FRMPD3: variants seen among roughly 807,000 people sequenced by gnomAD.
The protein encoded by FRMPD3 is FERM and PDZ domain-containing protein 3.
A neutral mutation model predicts 97.9 loss-of-function variants in FRMPD3; 42 were observed. That is an observed-to-expected ratio of 0.43 (90% CI 0.34 to 0.55). The LOEUF is 0.55. Ranked by LOEUF, FRMPD3 falls within the 20% of genes least tolerant of loss-of-function variation. FRMPD3 has a pLI of 0.03. For synonymous variants in FRMPD3, 577 were observed against 581.1 expected, an observed-to-expected ratio of 0.99 and a Z score of 0.10; for missense variants, 1,303 against 1,457.7, an observed-to-expected ratio of 0.89 and a Z score of 1.73.
chrX:107,600,151 C>A (rs1310613043), intron 14 of FRMPD3, among the ~76,000 whole-genome samples, 152 bp from the exon 15 acceptor site: 1 of 111,448 alleles, frequency 9.0e-6, no homozygotes, highest in Non-Finnish European at 1.9e-5. Context: ...AAATACTATG[C>A]CATTTCGTAT....
At chrX:107,524,782 C>T (rs543404960) in intron 1 of FRMPD3, among the ~76,000 whole-genome samples, 15 of 110,638 alleles carry the variant, frequency 1.4e-4, no homozygotes, top group African/African-American at 4.9e-4. Flanking sequence ...CGCCTGAGGT[C>T]GGGAGTTCAA....
chrX:107,485,413 C>T (rs190844342), intron 1 of FRMPD3, among the ~76,000 whole-genome samples: 17 of 112,655 alleles, frequency 1.5e-4, no homozygotes, highest in East Asian at 2.8e-4. Flanking sequence ...GTCCCAGCTA[C>T]TGAGAAGGAT....
intron 13 of FRMPD3, among the ~76,000 whole-genome samples, chrX:107,584,011 C>T (rs757258088): frequency 1.1e-3 from 118 of 108,908 alleles, no homozygotes; most frequent in Admixed American, 2.3e-3. Flanking sequence ...CAACTACAGG[C>T]GCCTGCCACC....
intron 1 of FRMPD3, among the ~76,000 whole-genome samples, chrX:107,515,469 T>C (rs1049443543): frequency 1.8e-5 from 2 of 110,996 alleles, no homozygotes; most frequent in Non-Finnish European, 3.8e-5. Context: ...CAAGAGCAAC[T>C]CTGCAGAGTG....
At chrX:107,469,092 G>C (rs1167813495) in intron 1 of FRMPD3, among the ~76,000 whole-genome samples, 1 of 111,739 alleles carries the variant, frequency 8.9e-6, no homozygotes, top group Non-Finnish European at 1.9e-5. Context: ...GTGGATTATG[G>C]TAAGGGTCAT....
chrX:107,494,130 C>T (rs191401526), intron 1 of FRMPD3, among the ~76,000 whole-genome samples: 6 of 112,045 alleles, frequency 5.4e-5, no homozygotes, highest in Non-Finnish European at 9.4e-5. Flanking sequence ...GGAAGGTCTA[C>T]CAGTCCCAGA....
chrX:107,565,864 C>T (rs375976211), intron 12 of FRMPD3, among the ~76,000 whole-genome samples: 1 of 111,681 alleles, frequency 9.0e-6, no homozygotes, highest in Non-Finnish European at 1.9e-5. Context: ...ATATCTTGGC[C>T]CATCTTCACC....
At chrX:107,484,847 C>T (rs1271027123) in intron 1 of FRMPD3, among the ~76,000 whole-genome samples, 1 of 112,317 alleles carries the variant, frequency 8.9e-6, no homozygotes, top group Non-Finnish European at 1.9e-5. Flanking sequence ...GCAATAGTCT[C>T]TGCTGCCTCT....
chrX:107,464,019 C>T (rs1045962862), intron 1 of FRMPD3, among the ~76,000 whole-genome samples: 5 of 111,532 alleles, frequency 4.5e-5, no homozygotes, highest in African/African-American at 1.6e-4. Context: ...GATTGTGGCT[C>T]TTTTCTGTGA....
intron 1 of FRMPD3, among the ~76,000 whole-genome samples, chrX:107,518,612 A>C (rs892582106): frequency 8.9e-6 from 1 of 112,593 alleles, no homozygotes; most frequent in Non-Finnish European, 1.9e-5. Flanking sequence ...ACTGTGGAGA[A>C]ATTGGAATCT....
Position 107,533,515 on chromosome X carries a change from G to T in FRMPD3, c.262G>T (p.Glu88Ter). 8.3e-7 allele frequency: 1 copy of T among 1,208,099 alleles called. No individual in the cohort carries two copies. The highest frequency in any genetic ancestry group is 2.2e-5 in the Admixed American group (1 of 45,901). Residue 88 changes from glutamate (E) to a stop codon, truncating the protein, a stop_gained, in exon 4 of 15, where the codon GAA becomes TAA. Coordinates refer to ENST00000683843, the MANE Select transcript of FRMPD3 (RefSeq NM_001388459.1). LOFTEE classifies it high-confidence loss of function. ...RLIELIRSAK[E>*]FIVLTVLHTH... ...CTCTTTTCTCTGTAGGAGCGCTAAG[G>T]AATTCATCGTTCTTACAGTTCTGCA...
At chrX:107,539,454 C>G (rs373173771) in intron 4 of FRMPD3, among the ~76,000 whole-genome samples, 1 of 111,610 alleles carries the variant, frequency 9.0e-6, no homozygotes, top group South Asian at 3.7e-4. Flanking sequence ...GATAAAGTAC[C>G]GGATTATGAC....
At chrX:107,521,684 A>G (rs138973513) in intron 1 of FRMPD3, among the ~76,000 whole-genome samples, 1,729 of 112,138 alleles carry the variant, frequency 0.015, 36 homozygotes, top group African/African-American at 0.053. Context: ...CTGGATCTCT[A>G]GAGCTTCCAG....
In FRMPD3 at chrX:107,593,895, T is replaced by G. The variant is rs747638241; in HGVS notation, c.1442-3426T>G. Among the ~76,000 whole-genome samples, 3 of 111,955 alleles carry G rather than the reference T, an allele frequency of 2.7e-5. No homozygotes were observed. In the East Asian group the frequency reaches 8.4e-4, roughly 31 times the overall value. ...GTTCCATATAAATTTTAGGATTTTT[T>G]TTTCTAGTTCTGTGAAAAATGATGA... On this transcript the variant is annotated intron_variant, in intron 13 of 14. Coordinates refer to ENST00000683843, the MANE Select transcript of FRMPD3 (RefSeq NM_001388459.1).
chrX:107,495,312 A>G (rs990414807), intron 1 of FRMPD3, among the ~76,000 whole-genome samples: 19 of 111,184 alleles, frequency 1.7e-4, no homozygotes, highest in African/African-American at 6.2e-4. Context: ...ATTGCAGCCA[A>G]TCATCTCCAA....
intron 1 of FRMPD3, among the ~76,000 whole-genome samples, chrX:107,509,933 T>C (rs1157092830): frequency 9.0e-6 from 1 of 111,068 alleles, no homozygotes; most frequent in African/African-American, 3.3e-5. Flanking sequence ...TTATTACATA[T>C]ATTAATGAAT....
chrX:107,455,604 C>CTT (rs199568752), intron 1 of FRMPD3, among the ~76,000 whole-genome samples: 10 of 109,883 alleles, frequency 9.1e-5, no homozygotes, highest in African/African-American at 3.3e-4. Flanking sequence ...GCAAGTACAT[C>CTT]TTTTTTTTTA....
chrX:107,495,686 G>C (rs1433802864), intron 1 of FRMPD3, among the ~76,000 whole-genome samples: 1 of 111,674 alleles, frequency 9.0e-6, no homozygotes, highest in Admixed American at 9.5e-5. Context: ...AAGACATAGG[G>C]TGGGCATACT....
At chrX:107,483,770 C>T (rs957463491) in intron 1 of FRMPD3, among the ~76,000 whole-genome samples, 1 of 111,790 alleles carries the variant, frequency 8.9e-6, no homozygotes, top group Non-Finnish European at 1.9e-5. Flanking sequence ...AGCCAGAACA[C>T]ATCCTGGGTC....
Sources: allele counts gnomAD v4.1 joint callset (sites outside exome capture counted in the v4.1 genomes callset), GRCh38; gene constraint gnomAD v4.1.1; transcripts MANE v1.5; gene names NCBI Gene and HGNC (gene_info 2026-07-23, HGNC 2026-07-21).